The following TDRD10 variants were observed in gnomAD, a reference collection of about 807,000 sequenced individuals.
The protein encoded by TDRD10 is tudor domain-containing protein 10.
A neutral mutation model predicts 48.0 loss-of-function variants in TDRD10; 40 were observed. The ratio of observed to expected loss-of-function variants is 0.83; its 90% CI spans 0.65 to 1.09. The LOEUF is 1.09. Among genes scored for constraint, TDRD10 ranks in the 50% least tolerant of loss-of-function variants. The pLI is 0.00. For synonymous variants in TDRD10, 162 were observed against 170.4 expected, an observed-to-expected ratio of 0.95 and a Z score of 0.38; for missense variants, 378 against 434.7, an observed-to-expected ratio of 0.87 and a Z score of 1.16.
chr1:154,520,431 AT>A, intron 5 of TDRD10, 57 bp downstream of exon 5: 1 of 1,400,664 alleles, frequency 7.1e-7, no homozygotes, highest in Non-Finnish European at 1.0e-6. Context: ...CTCCCTGTCC[AT>A]TTTGCTGATG....
chr1:154,505,886 A>G (rs1358612796), intron 1 of TDRD10, among the ~76,000 whole-genome samples: 1 of 152,246 alleles, frequency 6.6e-6, no homozygotes, highest in Non-Finnish European at 1.5e-5. Flanking sequence ...TAAGTGCGGT[A>G]TCTCACTTCA....
intron 6 of TDRD10, among the ~76,000 whole-genome samples, chr1:154,531,359 AC>A (rs1241486184): frequency 2.0e-5 from 3 of 151,936 alleles, no homozygotes; most frequent in Non-Finnish European, 2.9e-5. Context: ...GAAGCCGCGG[AC>A]CCTTGCGGTA....
chr1:154,526,958 G>A (rs1694352527), intron 6 of TDRD10, among the ~76,000 whole-genome samples: 1 of 151,736 alleles, frequency 6.6e-6, no homozygotes, highest in South Asian at 2.1e-4. Flanking sequence ...CACCCAGGCT[G>A]GAGTGCAGTG....
At chr1:154,520,077 A>C (rs1693978371) in intron 4 of TDRD10, among the ~76,000 whole-genome samples, 1 of 152,182 alleles carries the variant, frequency 6.6e-6, no homozygotes, top group Non-Finnish European at 1.5e-5. Flanking sequence ...CGGTGTGTTT[A>C]GTTAATTGTC....
In TDRD10 at chr1:154,544,387, A is replaced by G. The variant is rs372389588; in HGVS notation, c.667A>G (p.Met223Val). The stretch of plus-strand genomic sequence containing the variant: ...CACCCCACAGGCTCTGCACCAGAAC[A>G]TGCAGGCTCTGTTTAGCACCCTGGC... The part of the protein sequence containing the change: ...MHVTEALHQN[M>V]QALFSTLAQA... The change falls in exon 10 of 13, where the codon ATG becomes GTG. Residue 223 changes from methionine to valine, a missense_variant. By Grantham distance (21) the Met-to-Val change is conservative (BLOSUM62 1). Around this residue, in one of 2 missense-constraint regions of TDRD10, gnomAD observed 310 missense variants for 323.6 expected, o/e 0.96. Transcript: ENST00000368482. The G allele has an allele frequency of 4.8e-5, 76 of 1,589,102 alleles. No homozygotes were observed. Among genetic ancestry groups the G allele is most frequent in the East Asian group, 6.8e-5 (3 of 44,148 alleles).
intron 1 of TDRD10, among the ~76,000 whole-genome samples, chr1:154,505,109 G>A (rs12118074): frequency 0.79 from 120,196 of 152,192 alleles, 48,098 homozygotes; most frequent in East Asian, 0.92. Flanking sequence ...GATTCACAAC[G>A]AAAACAGGCT....
Position 154,521,413 on chromosome 1 carries a change from C to G in TDRD10, c.303C>G (p.Phe101Leu). 2 of 1,614,150 alleles carry G rather than the reference C, an allele frequency of 1.2e-6. No homozygotes were observed. Among genetic ancestry groups the G allele is most frequent in the Non-Finnish European group, 1.7e-6 (2 of 1,180,040 alleles). Residue 101 changes from phenylalanine to leucine, a missense_variant, in exon 6 of 13, where the codon TTC becomes TTG. This residue lies in a region of TDRD10 where 310 missense variants were observed against 323.6 expected (regional missense o/e 0.96). Transcript: ENST00000368482. ...NGKLFHKRKL[F>L]VNTSKRPPKR... is the part of the protein sequence containing the mutation. ...AACTCTTCCACAAGCGAAAACTGTT[C>G]GTGAATACAAGCAAAAGGCCCCCCA...
At chr1:154,506,180 T>C (rs1049344444) in intron 1 of TDRD10, among the ~76,000 whole-genome samples, 1 of 152,206 alleles carries the variant, frequency 6.6e-6, no homozygotes, top group Non-Finnish European at 1.5e-5. Flanking sequence ...CTCAGTGGGC[T>C]AAAATCAAGG....
At chr1:154,520,098 C>T (rs1157732646) in intron 4 of TDRD10, among the ~76,000 whole-genome samples, 3 of 152,188 alleles carry the variant, frequency 2.0e-5, no homozygotes, top group East Asian at 1.9e-4. Flanking sequence ...TTGTCTGCAT[C>T]GCTGCTTGGC....
At chr1:154,526,218 A>AT (rs1178186936) in intron 6 of TDRD10, among the ~76,000 whole-genome samples, 1 of 150,998 alleles carries the variant, frequency 6.6e-6, no homozygotes, top group African/African-American at 2.4e-5. Flanking sequence ...AAAAAAAAAA[A>AT]AGAAACTTGA....
At chr1:154,503,273 C>A (rs939614511) in intron 1 of TDRD10, among the ~76,000 whole-genome samples, 1 of 152,110 alleles carries the variant, frequency 6.6e-6, no homozygotes, top group Non-Finnish European at 1.5e-5. Context: ...TGCCATTCCT[C>A]CCTCCCTTCG....
In TDRD10 at chr1:154,547,710, A is replaced by C. The variant is rs774410556; in HGVS notation, c.1056A>C (p.Ter352TyrextTer34). 1.9e-6 allele frequency: 3 copies of C among 1,613,332 alleles called. No individual in the cohort carries two copies. In the African/African-American group the frequency reaches 4.0e-5, roughly 22 times the overall value. ...TCCTAAAGTTTGAAGAGTCTAAATA[A>C]CGGGGCTTCCCTCAGCATGTTCCCT... Reference protein sequence around the residue: ...LHILKFEESK* With the variant: ...LHILKFEESKY Residue 352 changes from the stop codon to tyrosine, a stop_lost, in exon 13 of 13, where the codon TAA (stop) becomes TAC (tyrosine). Transcript: ENST00000368482.
chr1:154,538,857 T>TACCAATTTTTAGCACCGTGGCTTG (rs1695073024), intron 6 of TDRD10, among the ~76,000 whole-genome samples: 2 of 136,492 alleles, frequency 1.5e-5, no homozygotes, highest in Admixed American at 7.2e-5. Context: ...CATCTCACGG[T>TACCAATTTTTAGCACCGTGGCTTG]GCTTTGTTAT....
chr1:154,541,236 C>T (rs72999415), intron 6 of TDRD10, among the ~76,000 whole-genome samples: 28,156 of 122,880 alleles, frequency 0.23, 2,873 homozygotes, highest in South Asian at 0.29. Context: ...TGAGCCAGAG[C>T]GGGAGGGAGC....
intron 8 of TDRD10, 137 bp downstream of exon 8, chr1:154,542,958 G>C: frequency 1.6e-6 from 1 of 635,712 alleles, no homozygotes; most frequent in Non-Finnish European, 2.7e-6. Flanking sequence ...AGGCTGTAAG[G>C]CTGTGACCCA....
At chr1:154,528,671 C>T (rs987315323) in intron 6 of TDRD10, among the ~76,000 whole-genome samples, 3 of 151,560 alleles carry the variant, frequency 2.0e-5, no homozygotes, top group Admixed American at 6.6e-5. Context: ...CAAAAATTAG[C>T]CTGGTGTGGT....
At chr1:154,519,932 G>A (rs139979448) in intron 4 of TDRD10, among the ~76,000 whole-genome samples, 201 of 152,308 alleles carry the variant, frequency 1.3e-3, no homozygotes, top group Non-Finnish European at 2.4e-3. Flanking sequence ...GAGAAGCAGT[G>A]AGGAGGAGGT....
intron 6 of TDRD10, among the ~76,000 whole-genome samples, chr1:154,537,430 C>G (rs1342470163): frequency 6.6e-6 from 1 of 152,186 alleles, no homozygotes; most frequent in Non-Finnish European, 1.5e-5. Context: ...CATAGAAGTG[C>G]AAGTGATTAA....
At chr1:154,507,690 T>G (rs1296612502) in intron 3 of TDRD10, among the ~76,000 whole-genome samples, 1 of 152,208 alleles carries the variant, frequency 6.6e-6, no homozygotes, top group African/African-American at 2.4e-5. Context: ...TGGAATAAAC[T>G]GTGACTGCTG....
Sources: allele counts gnomAD v4.1 joint callset (sites outside exome capture counted in the v4.1 genomes callset), GRCh38; gene constraint gnomAD v4.1.1; regional missense constraint gnomAD v4.1.1; transcripts MANE v1.5; gene names NCBI Gene and HGNC (gene_info 2026-07-23, HGNC 2026-07-21).